Variants in BTBD9 observed in about 807,000 individuals in gnomAD.
BTBD9 encodes BTB domain containing 9.
In BTBD9, 49 loss-of-function variants were observed where a neutral mutation model predicts 64.3. That is an observed-to-expected ratio of 0.76 (90% CI 0.61 to 0.97). The LOEUF (loss-of-function observed/expected upper bound fraction) is 0.97, where lower values mean the gene tolerates loss of function less well. BTBD9 is among the 50% of genes least tolerant of loss of function. The probability of loss-of-function intolerance (pLI) is 0.00; values close to 1 mark genes in which losing one functional copy is unlikely to be tolerated. For missense variants in BTBD9, 598 were observed against 762.1 expected, an observed-to-expected ratio of 0.78 and a Z score of 2.53; for synonymous variants, 260 against 274.7, an observed-to-expected ratio of 0.95 and a Z score of 0.53.
intron 7 of BTBD9, among the ~76,000 whole-genome samples, chr6:38,305,495 G>A (rs1762594399): frequency 6.6e-6 from 1 of 152,106 alleles, no homozygotes; most frequent in South Asian, 2.1e-4. Flanking sequence ...TGTTTTGTTT[G>A]TTTTTGAGAT....
chr6:38,196,967 A>G (rs542426339), intron 9 of BTBD9, among the ~76,000 whole-genome samples: 3 of 152,392 alleles, frequency 2.0e-5, no homozygotes, highest in African/African-American at 4.8e-5. Context: ...CAAGCCAGAA[A>G]AACAAGGGAT....
At position 38,308,466 on chromosome 6, in the gene BTBD9, A is replaced by C. The variant is rs138605530; in HGVS notation, c.1265-20005T>G. Among the ~76,000 whole-genome samples, 12 of 152,384 alleles carry C rather than the reference A, an allele frequency of 7.9e-5. No individual in the cohort carries two copies. In the East Asian group the frequency reaches 2.1e-3, roughly 27 times the overall value. Reference sequence around the variant, plus strand: ...GCAAGTTTTCAAAATGATTTCTCAAAAAATTAAGAAGTTTTAATATAAAGG... The same window carrying C: ...GCAAGTTTTCAAAATGATTTCTCAACAAATTAAGAAGTTTTAATATAAAGG... On this transcript the variant is annotated intron_variant, in intron 7 of 10. Coordinates refer to ENST00000481247, the MANE Select transcript of BTBD9 (RefSeq NM_001099272.2).
chr6:38,523,411 C>T (rs983027154), intron 6 of BTBD9, among the ~76,000 whole-genome samples: 1 of 152,114 alleles, frequency 6.6e-6, no homozygotes, highest in African/African-American at 2.4e-5. Flanking sequence ...AAGATCAAAT[C>T]CAAACTCCAG....
At chr6:38,588,437 T>C (rs1776643595) in intron 4 of BTBD9, 1 of 818,396 alleles carries the variant, frequency 1.2e-6, no homozygotes, top group East Asian at 2.5e-5. Flanking sequence ...TCACTTCCTG[T>C]AAGTAGCATG....
intron 6 of BTBD9, among the ~76,000 whole-genome samples, chr6:38,547,806 T>C (rs898360072): frequency 6.6e-6 from 1 of 152,224 alleles, no homozygotes; most frequent in Admixed American, 6.5e-5. Flanking sequence ...AGTGAAATGG[T>C]AGAATTAGCT....
chr6:38,246,617 G>C (rs1408364797), intron 9 of BTBD9, among the ~76,000 whole-genome samples: 1 of 147,414 alleles, frequency 6.8e-6, no homozygotes, highest in Non-Finnish European at 1.5e-5. Context: ...AAAAAAAACA[G>C]AAAAGAACAT....
chr6:38,331,898 G>A (rs576540745), intron 7 of BTBD9, among the ~76,000 whole-genome samples: 1 of 152,232 alleles, frequency 6.6e-6, no homozygotes, highest in East Asian at 1.9e-4. Context: ...ATGTACTTCT[G>A]TATTGTTTGA....
chr6:38,217,400 A>G (rs1471632210), intron 9 of BTBD9, among the ~76,000 whole-genome samples: 2 of 151,774 alleles, frequency 1.3e-5, no homozygotes, highest in African/African-American at 4.8e-5. Context: ...AGAAGGTGGC[A>G]AAGTGGAAAA....
intron 6 of BTBD9, among the ~76,000 whole-genome samples, chr6:38,436,223 A>G (rs1157316620): frequency 6.6e-6 from 1 of 151,868 alleles, no homozygotes. Flanking sequence ...AATGAGGAAC[A>G]CCCAAAAAGA....
intron 6 of BTBD9, among the ~76,000 whole-genome samples, chr6:38,405,263 GATACCCT>G (rs1266414517): frequency 6.6e-6 from 1 of 151,962 alleles, no homozygotes; most frequent in Non-Finnish European, 1.5e-5. Flanking sequence ...CTTTGAACCT[GATACCCT>G]ATAAGACAAG....
At position 38,571,500 on chromosome 6, in the gene BTBD9, A is replaced by AG. The variant is rs1270537164; in HGVS notation, c.1154+6099dup. Among the ~76,000 whole-genome samples, 4 of 152,224 alleles carry AG rather than the reference A, an allele frequency of 2.6e-5. No individual in the cohort carries two copies. The South Asian group carries it at 8.3e-4, about 32-fold the overall frequency. Reference sequence around the variant, plus strand: ...GCTGTATCTATTGACACCAGGAATGAGGGGGGCCTAGAATGTATAGTAGCA... The same window carrying AG: ...GCTGTATCTATTGACACCAGGAATGAGGGGGGGCCTAGAATGTATAGTAGCA... On this transcript the variant is annotated intron_variant, in intron 6 of 10. Transcript: ENST00000481247.
chr6:38,492,722 T>C (rs954271805), intron 6 of BTBD9, among the ~76,000 whole-genome samples: 1 of 152,244 alleles, frequency 6.6e-6, no homozygotes, highest in Non-Finnish European at 1.5e-5. Flanking sequence ...AAATAGCATA[T>C]CAATTCTTTT....
intron 6 of BTBD9, among the ~76,000 whole-genome samples, chr6:38,437,341 C>T (rs935481880): frequency 6.6e-6 from 1 of 152,126 alleles, no homozygotes; most frequent in Non-Finnish European, 1.5e-5. Context: ...TTACCCCTGT[C>T]CCCCATGGCT....
intron 6 of BTBD9, among the ~76,000 whole-genome samples, chr6:38,520,334 A>C (rs1402862334): frequency 6.6e-6 from 1 of 152,086 alleles, no homozygotes; most frequent in Non-Finnish European, 1.5e-5. Context: ...GGTGACACGC[A>C]TCTGTCGTCC....
chr6:38,558,608 T>C (rs1412264680), intron 6 of BTBD9, among the ~76,000 whole-genome samples: 3 of 152,186 alleles, frequency 2.0e-5, no homozygotes, highest in Non-Finnish European at 4.4e-5. Flanking sequence ...TGAAGAGATG[T>C]TGGATTTTAC....
chr6:38,573,896 G>T (rs779863589), intron 6 of BTBD9, among the ~76,000 whole-genome samples: 2 of 152,112 alleles, frequency 1.3e-5, no homozygotes, highest in Non-Finnish European at 2.9e-5. Flanking sequence ...GAAAGGACTG[G>T]GAGAGAGTTT....
chr6:38,194,186 A>T (rs950946620), intron 9 of BTBD9, among the ~76,000 whole-genome samples: 1 of 152,094 alleles, frequency 6.6e-6, no homozygotes, highest in Non-Finnish European at 1.5e-5. Context: ...GGGTTTCCAC[A>T]GGCCTAGCTG....
rs545610980 is a variant in BTBD9 at position 38,406,818 on chromosome 6, G to A, written c.1155-61725C>T. 1.1e-4 allele frequency among the ~76,000 whole-genome samples: 17 copies of A among 152,248 alleles called. 1 individual carries two copies. In the South Asian group the frequency reaches 3.1e-3, roughly 28 times the overall value. On this transcript the variant is annotated intron_variant, in intron 6 of 10. Transcript: ENST00000481247. ...ACAGACACGACCACAGTGCACTGCC[G>A]CCTCAAACTCCTGGGCTCTAGCAAT...
At chr6:38,577,458 CT>C in intron 6 of BTBD9, 141 bp downstream of exon 6, 1 of 765,414 alleles carries the variant, frequency 1.3e-6, no homozygotes, top group Non-Finnish European at 2.0e-6. Context: ...CCATACTTTC[CT>C]AAGTTTTTTA....
Sources: gnomAD v4.1 joint callset for allele counts (sites outside exome capture counted in the v4.1 genomes callset) on GRCh38, gnomAD v4.1.1 for gene constraint, MANE v1.5 for transcripts, NCBI Gene and HGNC (gene_info 2026-07-23, HGNC 2026-07-21) for gene names.